GRM5: variants seen among roughly 807,000 people sequenced by gnomAD.
GRM5 encodes the protein glutamate metabotropic receptor 5.
GRM5 carries 19 observed loss-of-function variants against 83.1 expected under a neutral mutation model. The observed-to-expected ratio is 0.23, with a 90% confidence interval of 0.16 to 0.34. The LOEUF is 0.34. GRM5 is among the 10% of genes least tolerant of loss of function. The probability of loss-of-function intolerance (pLI) is 1.00; values close to 1 mark genes in which losing one functional copy is unlikely to be tolerated. For missense variants in GRM5, 1,160 were observed against 1,588.3 expected, an observed-to-expected ratio of 0.73 and a Z score of 4.58; for synonymous variants, 675 against 633.6, an observed-to-expected ratio of 1.07 and a Z score of -0.98.
chr11:88,610,913 G>C (rs1023421392), intron 4 of GRM5, among the ~76,000 whole-genome samples: 1 of 152,162 alleles, frequency 6.6e-6, no homozygotes, highest in African/African-American at 2.4e-5. Flanking sequence ...AACTTGTTCA[G>C]AGTTTTTAAC....
chr11:88,581,364 A>G (rs1010826048), intron 7 of GRM5, among the ~76,000 whole-genome samples: 1 of 152,222 alleles, frequency 6.6e-6, no homozygotes, highest in Non-Finnish European at 1.5e-5. Context: ...TCTCAATTTT[A>G]TGGAAGAGAA....
At chr11:88,941,794 T>A (rs1938123078) in intron 2 of GRM5, among the ~76,000 whole-genome samples, 1 of 152,048 alleles carries the variant, frequency 6.6e-6, no homozygotes. Flanking sequence ...ATATACCTAC[T>A]GATGCGATGA....
At chr11:88,899,332 T>A (rs1450084781) in intron 2 of GRM5, among the ~76,000 whole-genome samples, 1 of 151,962 alleles carries the variant, frequency 6.6e-6, no homozygotes, top group African/African-American at 2.4e-5. Context: ...TTTTATCTCA[T>A]ATACCCTGAG....
At chr11:88,972,233 C>T (rs1417156049) in intron 2 of GRM5, among the ~76,000 whole-genome samples, 1 of 152,102 alleles carries the variant, frequency 6.6e-6, no homozygotes, top group Non-Finnish European at 1.5e-5. Flanking sequence ...TCCCTTCCAA[C>T]CAGAGACATT....
At chr11:88,680,120 G>A (rs954673528) in intron 3 of GRM5, among the ~76,000 whole-genome samples, 4 of 152,212 alleles carry the variant, frequency 2.6e-5, no homozygotes, top group Admixed American at 1.3e-4. Context: ...TAGGGTACAT[G>A]TGCACAACAT....
At chr11:88,573,216 CA>C in intron 7 of GRM5, among the ~76,000 whole-genome samples, 1 of 152,102 alleles carries the variant, frequency 6.6e-6, no homozygotes. Context: ...AGTGAGCTGC[CA>C]AAACTATATT....
chr11:88,988,799 C>T (rs1036335390), intron 2 of GRM5, among the ~76,000 whole-genome samples: 5 of 145,628 alleles, frequency 3.4e-5, no homozygotes, highest in Non-Finnish European at 7.6e-5. Flanking sequence ...CCTTTACAGA[C>T]AAGCAAATGC....
At chr11:88,831,070 C>T (rs1271305895) in intron 3 of GRM5, among the ~76,000 whole-genome samples, 1 of 151,978 alleles carries the variant, frequency 6.6e-6, no homozygotes, top group Non-Finnish European at 1.5e-5. Context: ...TGAGTGGGGA[C>T]ACAGCCAAAC....
chr11:88,646,036 A>G (rs1163415504), intron 4 of GRM5, among the ~76,000 whole-genome samples: 1 of 151,992 alleles, frequency 6.6e-6, no homozygotes, highest in Non-Finnish European at 1.5e-5. Context: ...TAGATGTTTA[A>G]GTTTGAGATG....
intron 3 of GRM5, among the ~76,000 whole-genome samples, chr11:88,827,366 C>A (rs1036836930): frequency 1.3e-5 from 2 of 152,188 alleles, no homozygotes; most frequent in Non-Finnish European, 2.9e-5. Flanking sequence ...CATGCATACT[C>A]ATATTTCACA....
intron 4 of GRM5, among the ~76,000 whole-genome samples, chr11:88,628,052 A>G (rs939388225): frequency 1.3e-5 from 2 of 152,122 alleles, no homozygotes; most frequent in African/African-American, 4.8e-5. Flanking sequence ...TCAGTTTGCC[A>G]AACTGTTTAA....
chr11:88,726,541 A>T (rs146829179), intron 3 of GRM5, among the ~76,000 whole-genome samples: 193 of 152,268 alleles, frequency 1.3e-3, no homozygotes, highest in African/African-American at 4.4e-3. Flanking sequence ...ATACAAAAAC[A>T]CCACAAAGAT....
At chr11:89,030,838 T>C (rs552594940) in intron 2 of GRM5, among the ~76,000 whole-genome samples, 8 of 152,198 alleles carry the variant, frequency 5.3e-5, no homozygotes, top group African/African-American at 1.2e-4. Flanking sequence ...AAACACCCTA[T>C]AGTTTACATG....
intron 1 of GRM5, chr11:89,063,590 C>G (rs1176170868): frequency 2.0e-5 from 3 of 152,260 alleles, no homozygotes; most frequent in South Asian, 2.1e-4. Flanking sequence ...CCCCGGCTTC[C>G]CCCCCAAGAT....
At position 88,888,635 on chromosome 11, in the gene GRM5, T is replaced by C. The variant is rs547513547; in HGVS notation, c.662-38480A>G. Among the ~76,000 whole-genome samples, 13 of 152,288 alleles carry C rather than the reference T, an allele frequency of 8.5e-5. No homozygotes were observed. In the East Asian group the frequency reaches 2.5e-3, roughly 29 times the overall value. On this transcript the variant is annotated intron_variant, in intron 2 of 9. Transcript: ENST00000305447. ...CGGCAAAAAGGTAAAAGTTTTTTTT[T>C]ACTAGTTGGGTTTTTGGCTTCTCTA...
intron 3 of GRM5, among the ~76,000 whole-genome samples, chr11:88,841,596 T>A (rs1169771300): frequency 6.6e-6 from 1 of 152,186 alleles, no homozygotes; most frequent in African/African-American, 2.4e-5. Context: ...TTCATACGTT[T>A]CCTTTTCTTT....
intron 2 of GRM5, among the ~76,000 whole-genome samples, chr11:89,033,851 C>A (rs1400418038): frequency 6.6e-6 from 1 of 151,220 alleles, no homozygotes; most frequent in Admixed American, 6.6e-5. Context: ...AAGTAAAAAG[C>A]TAAGACTCAG....
At chr11:88,760,558 C>G (rs991620766) in intron 3 of GRM5, among the ~76,000 whole-genome samples, 3 of 152,018 alleles carry the variant, frequency 2.0e-5, no homozygotes, top group Admixed American at 2.0e-4. Flanking sequence ...GAAATTGAAT[C>G]AGTTATAAAT....
chr11:88,596,907 C>T (rs894090175), intron 6 of GRM5, among the ~76,000 whole-genome samples: 4 of 151,976 alleles, frequency 2.6e-5, no homozygotes, highest in African/African-American at 9.7e-5. Flanking sequence ...TCTTTTCTAA[C>T]TGTAAACTTT....
Sources: allele counts gnomAD v4.1 joint callset (sites outside exome capture counted in the v4.1 genomes callset), GRCh38; gene constraint gnomAD v4.1.1; transcripts MANE v1.5; gene names NCBI Gene and HGNC (gene_info 2026-07-23, HGNC 2026-07-21).